Variants in PHF21B observed in about 807,000 individuals in gnomAD.
The protein encoded by PHF21B is PHD finger protein 21B.
In PHF21B, 22 loss-of-function variants were observed where a neutral mutation model predicts 62.2. That is an observed-to-expected ratio of 0.35 (90% CI 0.25 to 0.51). PHF21B has a LOEUF of 0.51. Among genes scored for constraint, PHF21B ranks in the 20% least tolerant of loss-of-function variants. The pLI is 0.97. For synonymous variants in PHF21B, 341 were observed against 314.7 expected, an observed-to-expected ratio of 1.08 and a Z score of -0.88; for missense variants, 701 against 707.9, an observed-to-expected ratio of 0.99 and a Z score of 0.11.
At chr22:44,973,978 T>C (rs1198411771) in intron 2 of PHF21B, among the ~76,000 whole-genome samples, 1 of 152,136 alleles carries the variant, frequency 6.6e-6, no homozygotes, top group African/African-American at 2.4e-5. Flanking sequence ...GGGCGTAGTT[T>C]TTGGACACCA....
chr22:44,977,128 A>G (rs1336514518), intron 2 of PHF21B, among the ~76,000 whole-genome samples: 2 of 152,208 alleles, frequency 1.3e-5, no homozygotes, highest in Non-Finnish European at 2.9e-5. Context: ...TCAAAAAGAA[A>G]AGAAAGAAAA....
intron 6 of PHF21B, among the ~76,000 whole-genome samples, chr22:44,894,434 C>T (rs897806998): frequency 5.3e-5 from 8 of 152,254 alleles, no homozygotes; most frequent in Admixed American, 3.9e-4. Flanking sequence ...CTAGGGACTC[C>T]GGCCAGTGCA....
intron 2 of PHF21B, among the ~76,000 whole-genome samples, chr22:44,985,136 C>A (rs1302966380): frequency 1.3e-5 from 2 of 152,196 alleles, no homozygotes; most frequent in African/African-American, 4.8e-5. Context: ...TTTAAACACA[C>A]ACAAGCATCT....
At position 44,941,362 on chromosome 22, in the gene PHF21B, C is replaced by T. The variant is rs140686176; in HGVS notation, c.121-20872G>A. On this transcript the variant is annotated intron_variant, in intron 2 of 12. Transcript: ENST00000313237. ...TGTGCCCTTCCAGGGCTGTTTGCCC[C>T]GGAGTGGATCAGGCCAGTCCGTCCC... is the stretch of plus-strand genomic sequence containing the variant. Among the ~76,000 whole-genome samples, 521 of 152,338 alleles carry T rather than the reference C, an allele frequency of 3.4e-3. 3 individuals carry two copies. The highest frequency in any genetic ancestry group is 0.01 in the African/African-American group (425 of 41,568).
chr22:44,996,988 C>T (rs1360796123), intron 2 of PHF21B, among the ~76,000 whole-genome samples: 4 of 152,196 alleles, frequency 2.6e-5, no homozygotes, highest in African/African-American at 4.8e-5. Flanking sequence ...TGCCACCTTC[C>T]GACCCACTCC....
Position 44,893,491 on chromosome 22 carries a change from G to A in PHF21B, c.926C>T (p.Ala309Val), listed in dbSNP as rs751579639. ...KRQERKRRST[A>V]NPAYSGLLET... ...CAGGAGGCCGCTGTAGGCAGGGTTG[G>A]CTGTGCTTCTTCTCTTCCGCTCCTG... The change falls in exon 7 of 13, where the codon GCC becomes GTC. Residue 309 changes from alanine to valine, a missense_variant. Coordinates refer to ENST00000313237, the MANE Select transcript of PHF21B (RefSeq NM_138415.5). 6.2e-7 allele frequency: 1 copy of A among 1,603,738 alleles called. No homozygotes were observed.
chr22:44,902,881 C>T (rs1372944337), intron 5 of PHF21B, among the ~76,000 whole-genome samples: 1 of 152,188 alleles, frequency 6.6e-6, no homozygotes, highest in Non-Finnish European at 1.5e-5. Flanking sequence ...TTTTCCCATA[C>T]TGGAGATTTG....
intron 2 of PHF21B, among the ~76,000 whole-genome samples, chr22:44,958,579 A>T (rs1380706754): frequency 7.1e-6 from 1 of 139,948 alleles, no homozygotes; most frequent in East Asian, 2.0e-4. Context: ...CCTCAGCTTC[A>T]TCTTCCAGCC....
At position 44,899,046 on chromosome 22, in the gene PHF21B, C is replaced by T. The variant is rs371472869; in HGVS notation, c.832-2963G>A. ...CGTTCAGTTCTCAAGGCTTTAGGGT[C>T]TATTTTAATATCCGGGAGGATTAGA... On this transcript the variant is annotated intron_variant, in intron 5 of 12. Coordinates refer to ENST00000313237, the MANE Select transcript of PHF21B (RefSeq NM_138415.5). Among the ~76,000 whole-genome samples, 78 of 152,282 alleles carry T rather than the reference C, an allele frequency of 5.1e-4. No individual in the cohort carries two copies. In the South Asian group the frequency reaches 0.015, roughly 30 times the overall value.
At chr22:44,883,368 C>T (rs1025488414) in intron 12 of PHF21B, 64 bp from the exon 13 acceptor site, 24 of 1,505,998 alleles carry the variant, frequency 1.6e-5, no homozygotes, top group Non-Finnish European at 2.0e-5. Context: ...CCTGGGGCAG[C>T]CACCGTCTGG....
chr22:44,890,987 G>T (rs992113868), intron 8 of PHF21B, among the ~76,000 whole-genome samples: 3 of 152,224 alleles, frequency 2.0e-5, no homozygotes, highest in Admixed American at 6.5e-5. Context: ...GTGTGGGGAA[G>T]AGAGGTTGTC....
intron 2 of PHF21B, among the ~76,000 whole-genome samples, chr22:44,929,780 G>A (rs1001046322): frequency 1.3e-5 from 2 of 152,222 alleles, no homozygotes; most frequent in Non-Finnish European, 2.9e-5. Flanking sequence ...AGTCCTGCGC[G>A]CCTCTGTGGG....
chr22:44,916,343 G>C lies in PHF21B; in HGVS notation c.501C>G (p.Thr167=), dbSNP rs765319355. The change falls in exon 4 of 13, where the codon ACC becomes ACG. Residue 167 remains threonine (T), a synonymous_variant. Coordinates refer to ENST00000313237, the MANE Select transcript of PHF21B (RefSeq NM_138415.5). The part of the protein sequence containing the change: ...PSNAAAMAPS[T]AVSVVSDSIK... ...TGCTGTCACTGACCACAGACACGGC[G>C]GTGCTGGGGGCCATGGCGGCGGCAT... The C allele has an allele frequency of 6.3e-7, 1 of 1,597,472 alleles. No individual in the cohort carries two copies. The highest frequency in any genetic ancestry group is 1.8e-5 in the Admixed American group (1 of 54,824).
At chr22:44,906,440 CGTGT>C (rs1435430732) in intron 5 of PHF21B, among the ~76,000 whole-genome samples, 2 of 152,194 alleles carry the variant, frequency 1.3e-5, no homozygotes, top group Non-Finnish European at 1.5e-5. Flanking sequence ...AGGGCCGAAA[CGTGT>C]GTGTAACAGG....
chr22:44,918,745 C>A (rs1028749348), intron 3 of PHF21B, among the ~76,000 whole-genome samples: 2 of 152,228 alleles, frequency 1.3e-5, no homozygotes, highest in African/African-American at 4.8e-5. Context: ...GCAGAGACAG[C>A]AAGGACAAAA....
chr22:44,983,881 G>T (rs1231429775), intron 2 of PHF21B, among the ~76,000 whole-genome samples: 1 of 151,898 alleles, frequency 6.6e-6, no homozygotes, highest in South Asian at 2.1e-4. Flanking sequence ...CCATTTTGCA[G>T]GTGGGAAAAG....
chr22:44,935,812 GC>G (rs1484702997), intron 2 of PHF21B, among the ~76,000 whole-genome samples: 1 of 152,100 alleles, frequency 6.6e-6, no homozygotes, highest in African/African-American at 2.4e-5. Context: ...CACAGGGGGA[GC>G]AGAGTTAGCG....
chr22:44,914,484 C>T (rs1201668217), intron 4 of PHF21B, among the ~76,000 whole-genome samples: 1 of 152,230 alleles, frequency 6.6e-6, no homozygotes. Flanking sequence ...CTTCTCATCC[C>T]AGCTCAGGTG....
chr22:44,934,610 G>A (rs938491074), intron 2 of PHF21B, among the ~76,000 whole-genome samples: 2 of 152,150 alleles, frequency 1.3e-5, no homozygotes, highest in Non-Finnish European at 2.9e-5. Context: ...AAGCTGTCTC[G>A]ACTCTGCAGG....
Sources: allele counts gnomAD v4.1 joint callset (sites outside exome capture counted in the v4.1 genomes callset), GRCh38; gene constraint gnomAD v4.1.1; transcripts MANE v1.5; gene names NCBI Gene and HGNC (gene_info 2026-07-23, HGNC 2026-07-21).